The following ADAMTS18 variants were observed in gnomAD, a reference collection of about 807,000 sequenced individuals.
The protein encoded by ADAMTS18 is ADAM metallopeptidase with thrombospondin type 1 motif 18, also known as A disintegrin and metalloproteinase with thrombospondin motifs 18.
Under a neutral mutation model 165.9 loss-of-function variants are expected in ADAMTS18, and 157 were observed. The observed-to-expected ratio is 0.95, with a 90% CI of 0.83 to 1.08. ADAMTS18 has a LOEUF of 1.08. Among genes scored for constraint, ADAMTS18 ranks in the 50% least tolerant of loss-of-function variants. The pLI is 0.00. For missense variants in ADAMTS18, 2,040 were observed against 1,534.0 expected (o/e 1.33, Z -5.51); for synonymous variants, 782 against 578.2 (o/e 1.35, Z -5.06).
intron 16 of ADAMTS18, among the ~76,000 whole-genome samples, chr16:77,308,423 T>G (rs533695814): frequency 2.6e-5 from 4 of 152,050 alleles, no homozygotes; most frequent in Admixed American, 2.6e-4. Flanking sequence ...TGTGTGTGTA[T>G]GTGGGTGAGA....
At position 77,282,147 on chromosome 16, in the gene ADAMTS18, A is replaced by ATACTT. The variant is rs2055157518; in HGVS notation, c.*1804_*1808dup. The ATACTT allele has an allele frequency of 6.6e-6, 1 of 152,198 alleles. No individual in the cohort carries two copies. Among genetic ancestry groups the ATACTT allele is most frequent in the Non-Finnish European group, 1.5e-5 (1 of 68,036 alleles). The allele number at this position is 152,198 out of a possible 1,614,324, so 9.4% of individuals were successfully genotyped here. A position where few individuals can be genotyped will look rare whatever the true frequency, so the allele number is the denominator to read the frequency against. On this transcript the variant is annotated 3_prime_UTR_variant, in exon 23 of 23. Transcript: ENST00000282849. Reference sequence around the variant, plus strand: ...AAGCTGTCAAAGATAAAGAAATGGAATACTTTATTATAAAACTTATAAAAT... The same window carrying ATACTT: ...AAGCTGTCAAAGATAAAGAAATGGAATACTTTACTTTATTATAAAACTTATAAAAT...
At chr16:77,393,018 C>T (rs2057210045) in intron 3 of ADAMTS18, among the ~76,000 whole-genome samples, 1 of 152,110 alleles carries the variant, frequency 6.6e-6, no homozygotes, top group African/African-American at 2.4e-5. Context: ...AATCAGGAAT[C>T]GATGGGTACC....
In ADAMTS18 at chr16:77,371,182, T is replaced by C. The variant is rs1047744000; in HGVS notation, c.496-3459A>G. 3.3e-5 allele frequency among the ~76,000 whole-genome samples: 5 copies of C among 151,512 alleles called. No individual in the cohort carries two copies. The East Asian group carries it at 5.8e-4, about 18-fold the overall frequency. ...GTGGGCCGAAATCATTCTATTGCAC[T>C]CCAGTCTGGGTGACAGAGCAAGACT... On this transcript the variant is annotated intron_variant, in intron 3 of 22. Transcript: ENST00000282849.
chr16:77,363,986 C>T, intron 5 of ADAMTS18, 101 bp from the exon 6 acceptor site: 1 of 1,266,578 alleles, frequency 7.9e-7, no homozygotes. Context: ...TTAATTTTAC[C>T]AAATATATGT....
chr16:77,347,046 A>C (rs566574384), intron 10 of ADAMTS18, among the ~76,000 whole-genome samples: 2 of 152,176 alleles, frequency 1.3e-5, no homozygotes, highest in African/African-American at 2.4e-5. Flanking sequence ...AATTTCATAT[A>C]AATGGAACCA....
At chr16:77,404,878 C>A (rs2057374570) in intron 3 of ADAMTS18, among the ~76,000 whole-genome samples, 1 of 152,142 alleles carries the variant, frequency 6.6e-6, no homozygotes, top group South Asian at 2.1e-4. Flanking sequence ...CAAAGATAAG[C>A]CCCAAGAGCT....
chr16:77,413,360 G>A (rs2057489893), intron 3 of ADAMTS18, among the ~76,000 whole-genome samples: 1 of 152,168 alleles, frequency 6.6e-6, no homozygotes, highest in Non-Finnish European at 1.5e-5. Context: ...AGGGTAGAGT[G>A]CAGAAAAACC....
At chr16:77,318,657 G>C (rs2055930889) in intron 16 of ADAMTS18, among the ~76,000 whole-genome samples, 1 of 152,176 alleles carries the variant, frequency 6.6e-6, no homozygotes, top group Admixed American at 6.5e-5. Context: ...AGTAATCTGA[G>C]TGTTACATAG....
At chr16:77,314,371 G>A (rs549079875) in intron 16 of ADAMTS18, among the ~76,000 whole-genome samples, 4 of 152,022 alleles carry the variant, frequency 2.6e-5, no homozygotes, top group African/African-American at 9.7e-5. Flanking sequence ...ACTTTGGGAG[G>A]CCGAGGCGGG....
chr16:77,366,160 A>T (rs1459012084), intron 4 of ADAMTS18, among the ~76,000 whole-genome samples: 3 of 124,586 alleles, frequency 2.4e-5, no homozygotes, highest in African/African-American at 4.0e-5. Flanking sequence ...CATGAGAATA[A>T]ACTTCTTCTG....
At chr16:77,306,859 G>A (rs1219042987) in intron 16 of ADAMTS18, among the ~76,000 whole-genome samples, 3 of 152,172 alleles carry the variant, frequency 2.0e-5, no homozygotes, top group Non-Finnish European at 4.4e-5. Context: ...TCACAGCAAT[G>A]GGACTCAAGT....
chr16:77,288,046 GC>G (rs2055289454), intron 22 of ADAMTS18, among the ~76,000 whole-genome samples: 1 of 152,116 alleles, frequency 6.6e-6, no homozygotes, highest in African/African-American at 2.4e-5. Flanking sequence ...CTTTCATGTA[GC>G]CCTACACTCA....
intron 4 of ADAMTS18, among the ~76,000 whole-genome samples, chr16:77,365,791 C>G (rs2056784934): frequency 6.6e-6 from 1 of 152,176 alleles, no homozygotes; most frequent in African/African-American, 2.4e-5. Flanking sequence ...GAAACTAGCT[C>G]CCTACAGAGT....
In ADAMTS18 at chr16:77,314,787, A is replaced by ATAT. The variant is rs1567474883; in HGVS notation, c.2532+5061_2532+5062insATA. On this transcript the variant is annotated intron_variant, in intron 16 of 22. Transcript: ENST00000282849. ...ATATATATATATATATATATATATA[A>ATAT]AATATATGTGATATGCTCAGAAGGC... 1.7e-3 allele frequency among the ~76,000 whole-genome samples: 83 copies of ATAT among 49,334 alleles called. 15 individuals carry two copies. Among genetic ancestry groups the ATAT allele is most frequent in the African/African-American group, 5.8e-3 (74 of 12,834 alleles). The allele number at this position is 49,334 out of a possible 152,430, so 32.4% of individuals were successfully genotyped here.
At chr16:77,355,873 G>T in intron 9 of ADAMTS18, 67 bp downstream of exon 9, 1 of 1,591,996 alleles carries the variant, frequency 6.3e-7, no homozygotes, top group Non-Finnish European at 8.6e-7. Flanking sequence ...TTCGTTTGCA[G>T]GTCTATGGAG....
At chr16:77,345,607 G>A (rs1321334601) in intron 10 of ADAMTS18, among the ~76,000 whole-genome samples, 2 of 152,168 alleles carry the variant, frequency 1.3e-5, no homozygotes, top group South Asian at 2.1e-4. Context: ...GACTAGAGCT[G>A]TATTATCCAA....
chr16:77,303,139 C>T (rs1307636391), intron 16 of ADAMTS18, among the ~76,000 whole-genome samples: 1 of 152,204 alleles, frequency 6.6e-6, no homozygotes, highest in Non-Finnish European at 1.5e-5. Context: ...TTACTACACA[C>T]TGATTCCATC....
chr16:77,361,035 G>T (rs1474275555), intron 7 of ADAMTS18, among the ~76,000 whole-genome samples: 1 of 152,068 alleles, frequency 6.6e-6, no homozygotes, highest in Non-Finnish European at 1.5e-5. Context: ...GCAGTGAGCC[G>T]AAATCACGCC....
chr16:77,322,263 A>G (rs1033651814), intron 14 of ADAMTS18, 73 bp downstream of exon 14: 1 of 1,573,284 alleles, frequency 6.4e-7, no homozygotes, highest in Non-Finnish European at 8.7e-7. Context: ...CTCTCACACC[A>G]CTGTTCACGG....
Sources: allele counts gnomAD v4.1 joint callset (sites outside exome capture counted in the v4.1 genomes callset), GRCh38; gene constraint gnomAD v4.1.1; transcripts MANE v1.5; gene names NCBI Gene and HGNC (gene_info 2026-07-23, HGNC 2026-07-21).